The following SNX29 variants were observed in gnomAD, a reference collection of about 807,000 sequenced individuals.
The protein encoded by SNX29 is sorting nexin-29.
A neutral mutation model predicts 102.1 loss-of-function variants in SNX29; 78 were observed. The observed-to-expected ratio is 0.76, with a 90% CI of 0.64 to 0.92. The LOEUF is 0.92. Among genes scored for constraint, SNX29 ranks in the 40% least tolerant of loss-of-function variants. The probability of loss-of-function intolerance (pLI) is 0.00; values close to 1 mark genes in which losing one functional copy is unlikely to be tolerated. For synonymous variants in SNX29, 580 were observed against 414.5 expected, an observed-to-expected ratio of 1.40 and a Z score of -4.85; for missense variants, 1,280 against 1,061.7, an observed-to-expected ratio of 1.21 and a Z score of -2.86.
intron 11 of SNX29, among the ~76,000 whole-genome samples, chr16:12,079,267 G>A (rs1351359740): frequency 6.6e-6 from 1 of 152,226 alleles, no homozygotes; most frequent in Non-Finnish European, 1.5e-5. Context: ...TGTAAGTGAA[G>A]AAGAATATGT....
chr16:12,038,323 C>T lies in SNX29; in HGVS notation c.248-4574C>T, dbSNP rs144562264. Among the ~76,000 whole-genome samples the T allele has an allele frequency of 2.7e-3, 418 of 152,244 alleles. 1 individual carries two copies. Among genetic ancestry groups the T allele is most frequent in the African/African-American group, 9.4e-3 (391 of 41,526 alleles). On this transcript the variant is annotated intron_variant, in intron 4 of 20. Transcript: ENST00000566228. ...CTTGTGGTCCCCAAGTCTTGGGCAT[C>T]GGTGATAGTTAAGGCTTGATAGAAA...
intron 20 of SNX29, among the ~76,000 whole-genome samples, chr16:12,538,679 C>A (rs985090821): frequency 2.0e-5 from 3 of 152,130 alleles, no homozygotes; most frequent in African/African-American, 7.2e-5. Context: ...CTTTCATCCT[C>A]CTCCCAGGAC....
chr16:12,316,045 G>A (rs868059991), intron 15 of SNX29, among the ~76,000 whole-genome samples: 9 of 152,326 alleles, frequency 5.9e-5, no homozygotes, highest in Middle Eastern at 3.4e-3. Flanking sequence ...AAGAAGGCAC[G>A]GGGTGATGTG....
At chr16:12,117,773 A>T (rs746569064) in intron 11 of SNX29, among the ~76,000 whole-genome samples, 2 of 152,206 alleles carry the variant, frequency 1.3e-5, no homozygotes, top group Non-Finnish European at 2.9e-5. Flanking sequence ...ATGTGATATG[A>T]ATCGTACCTC....
At chr16:12,430,915 C>A (rs937672884) in intron 18 of SNX29, among the ~76,000 whole-genome samples, 4 of 150,900 alleles carry the variant, frequency 2.7e-5, no homozygotes, top group South Asian at 2.1e-4. Flanking sequence ...TGCAGTGGCA[C>A]AATCTCTGCT....
intron 19 of SNX29, 64 bp downstream of exon 19, chr16:12,477,923 C>G: frequency 6.7e-7 from 1 of 1,497,226 alleles, no homozygotes; most frequent in Non-Finnish European, 8.9e-7. Context: ...ATTTATTCTT[C>G]TTCTTTAGTC....
At chr16:11,999,147 C>G in intron 1 of SNX29, 150 bp from the exon 2 acceptor site, 1 of 663,004 alleles carries the variant, frequency 1.5e-6, no homozygotes, top group Non-Finnish European at 2.6e-6. Context: ...CAGTAACAGG[C>G]AATAGCCAAA....
chr16:12,516,171 G>A (rs1237065670), intron 19 of SNX29, among the ~76,000 whole-genome samples: 3 of 152,146 alleles, frequency 2.0e-5, no homozygotes, highest in Non-Finnish European at 4.4e-5. Context: ...CGGGGTTGGT[G>A]AGCCAGTCTC....
At chr16:12,269,190 C>A (rs7191442) in intron 14 of SNX29, among the ~76,000 whole-genome samples, 87,249 of 152,092 alleles carry the variant, frequency 0.57, 25,427 homozygotes, top group African/African-American at 0.63. Context: ...ATAATTATGC[C>A]ATCAGGGAGA....
chr16:12,071,861 T>C (rs2051315848), intron 10 of SNX29, among the ~76,000 whole-genome samples: 1 of 152,230 alleles, frequency 6.6e-6, no homozygotes, highest in Admixed American at 6.5e-5. Flanking sequence ...CAGTGGTTTG[T>C]AGTTCTCCTT....
At chr16:12,359,014 T>C (rs1270118227) in intron 16 of SNX29, among the ~76,000 whole-genome samples, 2 of 152,242 alleles carry the variant, frequency 1.3e-5, no homozygotes, top group Non-Finnish European at 2.9e-5. Flanking sequence ...AGCAAATTAA[T>C]GGAACCCAAG....
At chr16:12,443,660 A>G (rs923895592) in intron 18 of SNX29, among the ~76,000 whole-genome samples, 11 of 152,226 alleles carry the variant, frequency 7.2e-5, no homozygotes, top group African/African-American at 2.7e-4. Flanking sequence ...TATGTTGACC[A>G]GGCTGGTCTC....
At chr16:12,490,811 C>T (rs772415255) in intron 19 of SNX29, among the ~76,000 whole-genome samples, 1 of 152,172 alleles carries the variant, frequency 6.6e-6, no homozygotes, top group Non-Finnish European at 1.5e-5. Flanking sequence ...CTGGAATACA[C>T]AGGAAAATGT....
intron 20 of SNX29, among the ~76,000 whole-genome samples, chr16:12,555,611 C>T (rs1162462369): frequency 6.6e-6 from 1 of 151,740 alleles, no homozygotes. Context: ...GCCCTTAGTC[C>T]AGTGTGCATG....
chr16:12,410,772 T>G (rs1248843560), intron 18 of SNX29, among the ~76,000 whole-genome samples: 1 of 152,232 alleles, frequency 6.6e-6, no homozygotes, highest in East Asian at 1.9e-4. Context: ...CTAAGCATAT[T>G]TATATATGTA....
chr16:12,485,396 A>C (rs991575633), intron 19 of SNX29, among the ~76,000 whole-genome samples: 2 of 152,364 alleles, frequency 1.3e-5, no homozygotes, highest in East Asian at 3.9e-4. Flanking sequence ...TTCCGTCTCC[A>C]AAAGTTCATT....
chr16:12,466,109 G>A (rs916304790), intron 18 of SNX29, among the ~76,000 whole-genome samples: 6 of 152,118 alleles, frequency 3.9e-5, no homozygotes, highest in African/African-American at 7.2e-5. Flanking sequence ...TACTCCTGCC[G>A]CTTTGGTTCA....
chr16:12,167,235 A>C (rs575447862), intron 13 of SNX29, among the ~76,000 whole-genome samples: 76 of 152,132 alleles, frequency 5.0e-4, no homozygotes, highest in South Asian at 2.1e-3. Context: ...GTGGCCTATG[A>C]CTGCACCAGC....
chr16:12,498,803 A>G (rs1050453044), intron 19 of SNX29, among the ~76,000 whole-genome samples: 3 of 152,212 alleles, frequency 2.0e-5, no homozygotes, highest in African/African-American at 7.2e-5. Context: ...AATTAAAACA[A>G]TTTTTGGCCA....
Sources: gnomAD v4.1 joint callset for allele counts (sites outside exome capture counted in the v4.1 genomes callset) on GRCh38, gnomAD v4.1.1 for gene constraint, MANE v1.5 for transcripts, NCBI Gene and HGNC (gene_info 2026-07-23, HGNC 2026-07-21) for gene names.